Variants in NRG1 observed in about 807,000 individuals in gnomAD.
The protein encoded by NRG1 is neuregulin 1, also known as pro-neuregulin-1, membrane-bound isoform.
NRG1 carries 18 observed loss-of-function variants against 63.8 expected under a neutral mutation model. The observed-to-expected ratio is 0.28, with a 90% confidence interval of 0.19 to 0.42. NRG1 has a LOEUF of 0.42. NRG1 is among the 10% of genes least tolerant of loss of function. NRG1 has a pLI of 1.00. For synonymous variants in NRG1, 302 were observed against 301.3 expected (o/e 1.00, Z -0.02); for missense variants, 762 against 814.7 (o/e 0.94, Z 0.79).
chr8:32,223,157 G>GA (rs1231344251), intron 1 of NRG1, among the ~76,000 whole-genome samples: 5 of 152,196 alleles, frequency 3.3e-5, no homozygotes, highest in Middle Eastern at 3.4e-3. Flanking sequence ...GACAATTTTA[G>GA]AAAAAATGTA....
intron 1 of NRG1, among the ~76,000 whole-genome samples, chr8:31,888,444 C>T (rs1037445499): frequency 3.3e-5 from 5 of 151,842 alleles, no homozygotes; most frequent in African/African-American, 9.7e-5. Flanking sequence ...CTTTTCTTGA[C>T]TGAAAAGAAA....
At chr8:32,303,183 C>CAAAAAAAAAAAAAAAAAAAA (rs1563291349) in intron 1 of NRG1, among the ~76,000 whole-genome samples, 6 of 59,704 alleles carry the variant, frequency 1.0e-4, no homozygotes, top group South Asian at 9.5e-4. Flanking sequence ...AACTCAGTCT[C>CAAAAAAAAAAAAAAAAAAAA]CAAAAAAAAA....
chr8:31,854,295 T>G (rs192499796), intron 1 of NRG1, among the ~76,000 whole-genome samples: 1,764 of 152,300 alleles, frequency 0.012, 41 homozygotes, highest in African/African-American at 0.04. Flanking sequence ...TCAGATCCTG[T>G]TATTGGTCTA....
intron 1 of NRG1, among the ~76,000 whole-genome samples, chr8:32,410,176 CTTTTT>C (rs374377158): frequency 2.0e-5 from 2 of 99,308 alleles, no homozygotes; most frequent in Admixed American, 1.2e-4. Flanking sequence ...TTTTTCTTTC[CTTTTT>C]TTTTTTTTTT....
intron 1 of NRG1, among the ~76,000 whole-genome samples, chr8:31,948,039 AAAGGTGTAGAAGATTTAAC>A (rs1802896637): frequency 2.0e-5 from 3 of 151,666 alleles, no homozygotes; most frequent in Admixed American, 2.0e-4. Flanking sequence ...ATATATTTAT[AAAGGTGTAGAAGATTTAAC>A]AACTGGAATG....
intron 1 of NRG1, among the ~76,000 whole-genome samples, chr8:31,869,036 C>A (rs1829247658): frequency 6.6e-6 from 1 of 152,164 alleles, no homozygotes; most frequent in African/African-American, 2.4e-5. Flanking sequence ...TGTGGTGAAG[C>A]AATTGTCAAT....
chr8:32,188,420 T>C (rs1842173735), intron 1 of NRG1, among the ~76,000 whole-genome samples: 1 of 152,144 alleles, frequency 6.6e-6, no homozygotes, highest in Admixed American at 6.5e-5. Flanking sequence ...AGGCAAATAA[T>C]GACAAGACAT....
rs1826447437 is a variant in NRG1 at position 32,742,078 on chromosome 8, A to G, written c.633-597A>G. 6.2e-7 allele frequency: 1 copy of G among 1,612,610 alleles called. No individual in the cohort carries two copies. Among genetic ancestry groups the G allele is most frequent in the African/African-American group, 1.3e-5 (1 of 74,866 alleles). ...CATGAAAGTCCAAAACCAAGAAAGT[A>G]TGTCAAAATAATCTGAAATTTGCTT... is the stretch of plus-strand genomic sequence containing the variant. On this transcript the variant is annotated intron_variant, in intron 6 of 11. Coordinates refer to ENST00000356819, the Ensembl canonical transcript of NRG1. The surrounding 1 kb of genome is among the most constrained non-coding windows in gnomAD (Gnocchi z 4.2).
At chr8:32,301,017 C>T (rs1855514780) in intron 1 of NRG1, among the ~76,000 whole-genome samples, 1 of 152,050 alleles carries the variant, frequency 6.6e-6, no homozygotes, top group African/African-American at 2.4e-5. Context: ...GTTACAAATG[C>T]CTCCATGATG....
chr8:31,813,911 C>T (rs1346471445), intron 1 of NRG1, among the ~76,000 whole-genome samples: 2 of 152,118 alleles, frequency 1.3e-5, no homozygotes, highest in African/African-American at 2.4e-5. Context: ...GATTATGCCT[C>T]ATCATTCATT....
intron 5 of NRG1, among the ~76,000 whole-genome samples, chr8:32,650,655 C>CAAAAAAAAA (rs59103241): frequency 1.7e-5 from 1 of 57,820 alleles, no homozygotes; most frequent in Non-Finnish European, 2.9e-5. Flanking sequence ...TAATGGAAAG[C>CAAAAAAAAA]AAAAAAAAAA....
At chr8:32,670,071 C>T (rs369939091) in intron 5 of NRG1, among the ~76,000 whole-genome samples, 4 of 152,200 alleles carry the variant, frequency 2.6e-5, no homozygotes, top group East Asian at 1.9e-4. Context: ...GGAATTTTTA[C>T]GTTTGATTTG....
At chr8:32,348,793 C>G (rs1222935102) in intron 1 of NRG1, among the ~76,000 whole-genome samples, 2 of 152,146 alleles carry the variant, frequency 1.3e-5, no homozygotes, top group Non-Finnish European at 2.9e-5. Context: ...GTAAAAACAA[C>G]TGTTTGAAAA....
intron 1 of NRG1, among the ~76,000 whole-genome samples, chr8:32,222,555 C>A (rs1366724934): frequency 6.6e-6 from 1 of 152,108 alleles, no homozygotes; most frequent in Non-Finnish European, 1.5e-5. Context: ...CTGCCATCTC[C>A]CCCAGTTACA....
rs186931974 is a variant in NRG1, at chr8:32,717,588, G to A, written c.503-10361G>A. ...TGCTCAAACCTACTTTTACTGCTTC[G>A]TTGCTTTCCGTGCAGCAATTTCTGG... On this transcript the variant is annotated intron_variant, in intron 5 of 11. Transcript: ENST00000356819. 9.2e-5 allele frequency among the ~76,000 whole-genome samples: 14 copies of A among 152,228 alleles called. 1 individual carries two copies. The South Asian group carries it at 2.7e-3, about 29-fold the overall frequency.
Position 32,163,794 on chromosome 8 carries a change from C to G in NRG1, c.38-432034C>G, listed in dbSNP as rs149528302. On this transcript the variant is annotated intron_variant, in intron 1 of 10. Transcript: ENST00000519301. ...ATATCATTCATTTTCGGATTCTTGG[C>G]CCTTGAGTTTCACTGTTACTTAATT... Among the ~76,000 whole-genome samples, 328 of 152,266 alleles carry G rather than the reference C, an allele frequency of 2.2e-3. 1 individual carries two copies. The highest frequency in any genetic ancestry group is 7.7e-3 in the African/African-American group (320 of 41,530).
chr8:31,681,935 T>A (rs1051358263), intron 1 of NRG1, among the ~76,000 whole-genome samples: 3 of 152,146 alleles, frequency 2.0e-5, no homozygotes, highest in African/African-American at 4.8e-5. Flanking sequence ...CTGCAATTAA[T>A]GAACCTATGC....
At chr8:31,751,320 T>C (rs1383533053) in intron 1 of NRG1, among the ~76,000 whole-genome samples, 1 of 152,002 alleles carries the variant, frequency 6.6e-6, no homozygotes, top group Non-Finnish European at 1.5e-5. Context: ...TTTCATTAAA[T>C]AAATGGCCCT....
chr8:32,541,429 C>G (rs547263012), intron 1 of NRG1, among the ~76,000 whole-genome samples: 1 of 150,140 alleles, frequency 6.7e-6, no homozygotes, highest in African/African-American at 2.5e-5. Flanking sequence ...ATCATGATGA[C>G]ATTATGAAGT....
Sources: gnomAD v4.1 joint callset for allele counts (sites outside exome capture counted in the v4.1 genomes callset) on GRCh38, gnomAD v4.1.1 for gene constraint, Gnocchi (gnomAD v3.1) non-coding constraint, MANE v1.5 for transcripts, NCBI Gene and HGNC (gene_info 2026-07-23, HGNC 2026-07-21) for gene names.